GAS7: variants seen among roughly 807,000 people sequenced by gnomAD.
GAS7 encodes the protein growth arrest specific 7.
Under a neutral mutation model 71.1 loss-of-function variants are expected in GAS7, and 28 were observed. The observed-to-expected ratio is 0.39, with a 90% CI of 0.29 to 0.54. The LOEUF (loss-of-function observed/expected upper bound fraction) is 0.54, where lower values mean the gene tolerates loss of function less well. Ranked by LOEUF, GAS7 falls within the 20% of genes least tolerant of loss-of-function variation. GAS7 has a pLI of 0.62. For missense variants in GAS7, 436 were observed against 627.8 expected (o/e 0.69, Z 3.27); for synonymous variants, 258 against 245.8 (o/e 1.05, Z -0.46).
At chr17:10,078,649 G>C (rs1272441497) in intron 1 of GAS7, among the ~76,000 whole-genome samples, 1 of 152,180 alleles carries the variant, frequency 6.6e-6, no homozygotes, top group Admixed American at 6.5e-5. Context: ...AAAGGAAAAA[G>C]TAAAGTGTTG....
chr17:10,172,062 A>G (rs754658806), intron 1 of GAS7, among the ~76,000 whole-genome samples: 1 of 152,190 alleles, frequency 6.6e-6, no homozygotes, highest in Non-Finnish European at 1.5e-5. Context: ...ACATACTAAG[A>G]AAAGCATACA....
chr17:9,975,186 C>T (rs2070138273), intron 3 of GAS7, among the ~76,000 whole-genome samples: 1 of 152,146 alleles, frequency 6.6e-6, no homozygotes, highest in African/African-American at 2.4e-5. Context: ...GAAACCCCAT[C>T]TCTACTAAAA....
At chr17:10,073,040 G>A (rs949487440) in intron 1 of GAS7, among the ~76,000 whole-genome samples, 14 of 152,160 alleles carry the variant, frequency 9.2e-5, no homozygotes, top group Non-Finnish European at 1.5e-4. Context: ...GGCCCTCCCC[G>A]GCCCAGGACC....
intron 8 of GAS7, 98 bp from the exon 9 acceptor site, chr17:9,934,342 A>G: frequency 1.3e-6 from 1 of 790,902 alleles, no homozygotes; most frequent in South Asian, 1.5e-5. Context: ...GGTATATGAC[A>G]GCTGAGAATG....
chr17:10,017,652 A>G (rs1347624493), intron 2 of GAS7, among the ~76,000 whole-genome samples: 1 of 152,120 alleles, frequency 6.6e-6, no homozygotes, highest in Non-Finnish European at 1.5e-5. Flanking sequence ...TTTATAACAC[A>G]CACAAGTCAT....
At chr17:10,072,399 G>A (rs1302942000) in intron 1 of GAS7, among the ~76,000 whole-genome samples, 1 of 152,180 alleles carries the variant, frequency 6.6e-6, no homozygotes, top group Non-Finnish European at 1.5e-5. Flanking sequence ...GAGGGGATGA[G>A]GAGCTGGCTT....
chr17:10,101,964 C>T (rs966386884), intron 1 of GAS7, among the ~76,000 whole-genome samples: 2 of 152,122 alleles, frequency 1.3e-5, no homozygotes, highest in Non-Finnish European at 2.9e-5. Flanking sequence ...CCAGCAGAGA[C>T]TGGCAGAACC....
At position 9,919,505 on chromosome 17, in the gene GAS7, A is replaced by C; in HGVS notation, c.1218+121T>G. ...GAGGTTTCGACCCCAACACTGAAGT[A>C]GATTTGATGACCATCTCCAGGGTCA... On this transcript the variant is annotated intron_variant, in intron 12 of 13. Transcript: ENST00000432992. This position sits in a 1 kb window ranked among gnomAD's most constrained non-coding sequence, Gnocchi z 5.0. 12 of 778,738 alleles carry C rather than the reference A, an allele frequency of 1.5e-5. No homozygotes were observed. The highest frequency in any genetic ancestry group is 3.7e-5 in the Admixed American group (2 of 54,590). 48.2% of individuals were successfully genotyped at this position (778,738 alleles called of 1,614,324 possible).
intron 5 of GAS7, among the ~76,000 whole-genome samples, chr17:9,958,719 A>G (rs2069349504): frequency 1.3e-5 from 2 of 152,170 alleles, no homozygotes; most frequent in African/African-American, 2.4e-5. Context: ...CCTGGGAGGC[A>G]GGCTGGCCAC....
chr17:10,086,856 T>C (rs1220229492), intron 1 of GAS7, among the ~76,000 whole-genome samples: 2 of 152,064 alleles, frequency 1.3e-5, no homozygotes, highest in African/African-American at 2.4e-5. Flanking sequence ...ATAATGATAC[T>C]GGAGGGAGCT....
chr17:10,160,655 T>C (rs764207423), intron 1 of GAS7, among the ~76,000 whole-genome samples: 6 of 152,180 alleles, frequency 3.9e-5, no homozygotes, highest in Non-Finnish European at 7.3e-5. Context: ...AGGTGCGCAA[T>C]ATGACATTTT....
intron 2 of GAS7, among the ~76,000 whole-genome samples, chr17:10,016,085 C>T (rs2071984165): frequency 6.6e-6 from 1 of 152,140 alleles, no homozygotes; most frequent in African/African-American, 2.4e-5. Flanking sequence ...TTCAATCAAA[C>T]AGATAAACAA....
At chr17:10,054,951 A>G (rs2073115763) in intron 1 of GAS7, among the ~76,000 whole-genome samples, 1 of 152,202 alleles carries the variant, frequency 6.6e-6, no homozygotes, top group Non-Finnish European at 1.5e-5. Context: ...TGGAAAGAGG[A>G]GCAGCCCATC....
intron 1 of GAS7, among the ~76,000 whole-genome samples, chr17:10,134,175 C>T (rs886463268): frequency 1.3e-5 from 2 of 151,978 alleles, no homozygotes; most frequent in African/African-American, 4.8e-5. Context: ...GGACTACAGG[C>T]ACCATCCACC....
intron 1 of GAS7, among the ~76,000 whole-genome samples, chr17:10,096,690 T>C (rs2073644671): frequency 1.3e-5 from 2 of 152,226 alleles, no homozygotes; most frequent in African/African-American, 4.8e-5. Context: ...GGGCTTCATC[T>C]TATGGAAAAG....
intron 2 of GAS7, among the ~76,000 whole-genome samples, chr17:9,994,913 C>G (rs1344916255): frequency 6.6e-6 from 1 of 152,220 alleles, no homozygotes; most frequent in East Asian, 1.9e-4. Flanking sequence ...GCAGGAAAGA[C>G]AAGTTTCAAG....
intron 1 of GAS7, among the ~76,000 whole-genome samples, chr17:10,087,300 C>T (rs1217632016): frequency 6.6e-6 from 1 of 152,214 alleles, no homozygotes; most frequent in South Asian, 2.1e-4. Context: ...TAGAGAAGAA[C>T]TGGCCCAGCA....
chr17:10,196,240 G>A (rs981452948), intron 1 of GAS7, among the ~76,000 whole-genome samples: 1 of 152,180 alleles, frequency 6.6e-6, no homozygotes, highest in Non-Finnish European at 1.5e-5. Flanking sequence ...TCAGTCATCT[G>A]AGCTGCTAAC....
At chr17:9,958,686 TG>T (rs2069347528) in intron 5 of GAS7, among the ~76,000 whole-genome samples, 1 of 152,140 alleles carries the variant, frequency 6.6e-6, no homozygotes, top group Admixed American at 6.5e-5. Flanking sequence ...CATCTCCACA[TG>T]GGGTTGGGCA....
Sources: allele counts gnomAD v4.1 joint callset (sites outside exome capture counted in the v4.1 genomes callset), GRCh38; gene constraint gnomAD v4.1.1; non-coding constraint Gnocchi (gnomAD v3.1); transcripts MANE v1.5; gene names NCBI Gene and HGNC (gene_info 2026-07-23, HGNC 2026-07-21).